Variants in ASIC2 observed in about 807,000 individuals in gnomAD.
ASIC2 encodes acid sensing ion channel subunit 2, also known as acid-sensing ion channel 2.
Under a neutral mutation model 57.3 loss-of-function variants are expected in ASIC2, and 25 were observed. The observed-to-expected ratio is 0.44, with a 90% CI of 0.32 to 0.61. ASIC2 has a LOEUF of 0.61. Among genes scored for constraint, ASIC2 ranks in the 20% least tolerant of loss-of-function variants. ASIC2 has a pLI of 0.06. For missense variants in ASIC2, 641 were observed against 738.1 expected, an observed-to-expected ratio of 0.87 and a Z score of 1.52; for synonymous variants, 319 against 307.5, an observed-to-expected ratio of 1.04 and a Z score of -0.39.
chr17:34,031,541 G>T (rs569678784), intron 1 of ASIC2, among the ~76,000 whole-genome samples: 3 of 152,304 alleles, frequency 2.0e-5, no homozygotes, highest in Non-Finnish European at 4.4e-5. Flanking sequence ...AGAGAAGAAG[G>T]CTTCAGATGA....
At chr17:33,305,912 AGCT>A (rs1421874768) in intron 1 of ASIC2, among the ~76,000 whole-genome samples, 21 of 152,192 alleles carry the variant, frequency 1.4e-4, no homozygotes, top group Admixed American at 7.2e-4. Flanking sequence ...CATAGATAAA[AGCT>A]TCCCTATAGC....
At position 33,013,956 on chromosome 17, in the gene ASIC2, C is replaced by G. The variant is rs773679949; in HGVS notation, c.*9G>C. 6.4e-7 allele frequency: 1 copy of G among 1,569,962 alleles called. No individual in the cohort carries two copies. The highest frequency in any genetic ancestry group is 1.4e-5 in the African/African-American group (1 of 73,872). ...TGTTTGGAGGGAGTGCTGGGTGACT[C>G]GAGGGGTGTCAGCAGGCAATCTCCT... On this transcript the variant is annotated 3_prime_UTR_variant, in exon 10 of 10. Coordinates refer to ENST00000225823, the MANE Select transcript of ASIC2 (RefSeq NM_183377.2).
chr17:33,490,177 T>C (rs116253760), intron 1 of ASIC2, among the ~76,000 whole-genome samples: 1,722 of 152,300 alleles, frequency 0.011, 32 homozygotes, highest in African/African-American at 0.039. Context: ...TAAGGTAGAG[T>C]TAGGTCATTG....
chr17:33,589,749 A>C (rs1251990019), intron 1 of ASIC2, among the ~76,000 whole-genome samples: 1 of 152,106 alleles, frequency 6.6e-6, no homozygotes, highest in Non-Finnish European at 1.5e-5. Context: ...TTCACACACC[A>C]CATTTTGTTT....
At chr17:33,517,535 G>A (rs1310148572) in intron 1 of ASIC2, among the ~76,000 whole-genome samples, 1 of 152,210 alleles carries the variant, frequency 6.6e-6, no homozygotes, top group East Asian at 1.9e-4. Context: ...TGAGGTTGCA[G>A]TCAAGATGCC....
intron 1 of ASIC2, among the ~76,000 whole-genome samples, chr17:33,835,327 A>T (rs756841405): frequency 6.6e-6 from 1 of 152,212 alleles, no homozygotes; most frequent in African/African-American, 2.4e-5. Context: ...CTTACACATG[A>T]ATTGCTCATT....
intron 1 of ASIC2, among the ~76,000 whole-genome samples, chr17:33,458,039 CA>C (rs1329602724): frequency 2.0e-5 from 3 of 147,756 alleles, no homozygotes; most frequent in African/African-American, 7.6e-5. Context: ...CTGATTCTGA[CA>C]GGGGTGATTG....
chr17:34,039,416 T>C, intron 1 of ASIC2: 1 of 1,613,862 alleles, frequency 6.2e-7, no homozygotes, highest in East Asian at 2.2e-5. Context: ...TTTGCTAGCA[T>C]CACTGACATG....
rs539243614 is a variant in ASIC2, at chr17:33,102,029, G to T, written c.859+9888C>A. On this transcript the variant is annotated intron_variant, in intron 2 of 9. Transcript: ENST00000225823. ...GTGGATCCAACATCTTCCTGCTCCA[G>T]TTTGGATGGAATGCTCTCCAGGCCT... 3.9e-5 allele frequency among the ~76,000 whole-genome samples: 6 copies of T among 152,172 alleles called. No homozygotes were observed. The East Asian group carries it at 1.2e-3, about 29-fold the overall frequency.
chr17:33,328,303 G>C (rs541277504), intron 1 of ASIC2, among the ~76,000 whole-genome samples: 2 of 152,258 alleles, frequency 1.3e-5, no homozygotes, highest in African/African-American at 2.4e-5. Flanking sequence ...TCAGCCAACC[G>C]GGGAGAATGG....
At chr17:34,073,869 G>A (rs1909520544) in intron 1 of ASIC2, among the ~76,000 whole-genome samples, 1 of 152,200 alleles carries the variant, frequency 6.6e-6, no homozygotes. Flanking sequence ...TAAAGTGAGA[G>A]CAGCTGGCCA....
intron 1 of ASIC2, among the ~76,000 whole-genome samples, chr17:33,963,327 G>A (rs1406085746): frequency 6.6e-6 from 1 of 152,180 alleles, no homozygotes; most frequent in Non-Finnish European, 1.5e-5. Flanking sequence ...AATAGGGTGA[G>A]TGGCTTAGGA....
At chr17:33,295,087 C>G (rs1403670708), upstream of ASIC2, among the ~76,000 whole-genome samples, 3 of 152,212 alleles carry the variant, frequency 2.0e-5, no homozygotes, top group African/African-American at 7.2e-5. Flanking sequence ...GCATGAAGCT[C>G]TATTTTATAA....
intron 1 of ASIC2, among the ~76,000 whole-genome samples, chr17:33,261,839 G>T (rs1475463013): frequency 6.6e-6 from 1 of 152,042 alleles, no homozygotes; most frequent in Non-Finnish European, 1.5e-5. Context: ...GGGGGTGCTG[G>T]CTGCCTTCAC....
At chr17:33,426,446 CCA>C (rs1315166909) in intron 1 of ASIC2, among the ~76,000 whole-genome samples, 1 of 152,232 alleles carries the variant, frequency 6.6e-6, no homozygotes, top group East Asian at 1.9e-4. Context: ...AAACTCTTGA[CCA>C]CCACAAAACT....
At chr17:34,062,100 C>T (rs1055178711) in intron 1 of ASIC2, among the ~76,000 whole-genome samples, 1 of 152,040 alleles carries the variant, frequency 6.6e-6, no homozygotes, top group Non-Finnish European at 1.5e-5. Context: ...GGAACTTTCT[C>T]CAAGATAGAC....
intron 1 of ASIC2, chr17:33,955,634 C>G (rs1476622768): frequency 1.3e-5 from 2 of 152,360 alleles, no homozygotes; most frequent in East Asian, 3.9e-4. Context: ...TGGCAGGCAC[C>G]TTCTTCTCAG....
intron 1 of ASIC2, among the ~76,000 whole-genome samples, chr17:34,117,056 T>C (rs930299339): frequency 1.3e-5 from 2 of 152,138 alleles, no homozygotes; most frequent in African/African-American, 4.8e-5. Context: ...TGGGTTTGTG[T>C]ATATGGAAAG....
intron 1 of ASIC2, among the ~76,000 whole-genome samples, chr17:33,651,065 TAGAA>T (rs1463656767): frequency 6.6e-6 from 1 of 152,024 alleles, no homozygotes; most frequent in Non-Finnish European, 1.5e-5. Context: ...TATTTTAAGA[TAGAA>T]AGTTTAATTT....
Sources: allele counts gnomAD v4.1 joint callset (sites outside exome capture counted in the v4.1 genomes callset), GRCh38; gene constraint gnomAD v4.1.1; transcripts MANE v1.5; gene names NCBI Gene and HGNC (gene_info 2026-07-23, HGNC 2026-07-21).